FRMD5: variants seen among roughly 807,000 people sequenced by gnomAD.
FRMD5 encodes FERM domain-containing protein 5.
FRMD5 carries 20 observed loss-of-function variants against 69.0 expected under a neutral mutation model. That is an observed-to-expected ratio of 0.29 (90% confidence interval 0.20 to 0.42). The LOEUF (loss-of-function observed/expected upper bound fraction) is 0.42. Among genes scored for constraint, FRMD5 ranks in the 10% least tolerant of loss-of-function variants. The probability of loss-of-function intolerance (pLI) is 1.00; values close to 1 mark genes in which losing one functional copy is unlikely to be tolerated. For missense variants in FRMD5, 595 were observed against 708.6 expected (o/e 0.84, Z 1.82); for synonymous variants, 271 against 260.1 (o/e 1.04, Z -0.40).
intron 1 of FRMD5, among the ~76,000 whole-genome samples, chr15:44,082,329 A>T (rs1291356471): frequency 6.6e-6 from 1 of 151,998 alleles, no homozygotes; most frequent in Non-Finnish European, 1.5e-5. Context: ...TGTATTCTCA[A>T]ATGACTTTTC....
intron 1 of FRMD5, among the ~76,000 whole-genome samples, chr15:44,144,120 C>T (rs1276195172): frequency 2.0e-5 from 3 of 152,100 alleles, no homozygotes; most frequent in Admixed American, 6.5e-5. Context: ...ATTTTATCTG[C>T]TCCATCTGCC....
chr15:44,105,806 T>C (rs1164876089), intron 1 of FRMD5, among the ~76,000 whole-genome samples: 1 of 152,216 alleles, frequency 6.6e-6, no homozygotes, highest in East Asian at 1.9e-4. Context: ...CCATTAGAAC[T>C]AAATGGATGG....
intron 1 of FRMD5, among the ~76,000 whole-genome samples, chr15:43,985,145 G>C (rs1481649004): frequency 6.6e-6 from 1 of 151,806 alleles, no homozygotes; most frequent in Non-Finnish European, 1.5e-5. Flanking sequence ...GCCTGGTGTG[G>C]TGGCAGGTGC....
intron 1 of FRMD5, among the ~76,000 whole-genome samples, chr15:43,966,102 G>A (rs962080762): frequency 2.0e-5 from 3 of 151,902 alleles, no homozygotes; most frequent in South Asian, 2.1e-4. Context: ...GGCTGGGTGC[G>A]GTGACTTACG....
chr15:43,878,819 T>G (rs2088437767), intron 13 of FRMD5, among the ~76,000 whole-genome samples: 2 of 151,974 alleles, frequency 1.3e-5, no homozygotes, highest in South Asian at 4.2e-4. Flanking sequence ...TGCTGTGACA[T>G]CAGAAGAGGA....
At chr15:43,938,271 T>C (rs2089799571) in intron 1 of FRMD5, among the ~76,000 whole-genome samples, 1 of 147,020 alleles carries the variant, frequency 6.8e-6, no homozygotes, top group African/African-American at 2.5e-5. Context: ...GTGCAAAGCA[T>C]TCTACAAACA....
At chr15:44,055,528 C>T (rs1892837055) in intron 1 of FRMD5, among the ~76,000 whole-genome samples, 1 of 152,138 alleles carries the variant, frequency 6.6e-6, no homozygotes, top group Non-Finnish European at 1.5e-5. Context: ...ACTATACACA[C>T]TACAAGCTTT....
At chr15:43,895,337 C>A (rs1437320743) in intron 7 of FRMD5, among the ~76,000 whole-genome samples, 1 of 152,236 alleles carries the variant, frequency 6.6e-6, no homozygotes, top group African/African-American at 2.4e-5. Context: ...GAGGCCATGA[C>A]ACAGTCAGAG....
chr15:44,199,405 C>T (rs1002888856), upstream of FRMD5, among the ~76,000 whole-genome samples: 12 of 152,176 alleles, frequency 7.9e-5, no homozygotes, highest in Admixed American at 6.6e-4. Flanking sequence ...CCCCTGACTA[C>T]GTCTTAGGCA....
intron 1 of FRMD5, among the ~76,000 whole-genome samples, chr15:44,118,384 G>C (rs956993922): frequency 6.6e-6 from 1 of 151,906 alleles, no homozygotes; most frequent in African/African-American, 2.4e-5. Context: ...GTCTTTCTGG[G>C]GCTCTAAAAA....
chr15:44,132,722 C>T (rs1265516786), intron 1 of FRMD5, among the ~76,000 whole-genome samples: 3 of 150,204 alleles, frequency 2.0e-5, no homozygotes, highest in African/African-American at 7.3e-5. Flanking sequence ...AACCATCATG[C>T]CTGGACATCA....
intron 1 of FRMD5, among the ~76,000 whole-genome samples, chr15:44,078,191 T>G (rs1433229414): frequency 6.6e-6 from 1 of 152,150 alleles, no homozygotes; most frequent in Admixed American, 6.5e-5. Flanking sequence ...TGTGGTTTCC[T>G]TCTTTTTCTC....
At chr15:44,148,276 C>CTT (rs923546326) in intron 1 of FRMD5, among the ~76,000 whole-genome samples, 3 of 146,628 alleles carry the variant, frequency 2.0e-5, no homozygotes, top group African/African-American at 7.5e-5. Context: ...ACAGATATTA[C>CTT]TTTTTTTTTT....
At chr15:43,969,485 C>G (rs2090343690) in intron 1 of FRMD5, among the ~76,000 whole-genome samples, 1 of 152,188 alleles carries the variant, frequency 6.6e-6, no homozygotes, top group Non-Finnish European at 1.5e-5. Flanking sequence ...CTACCATGCC[C>G]AGTTCTATGT....
chr15:43,929,601 G>A (rs189999258), intron 1 of FRMD5, among the ~76,000 whole-genome samples: 1 of 152,222 alleles, frequency 6.6e-6, no homozygotes, highest in East Asian at 1.9e-4. Context: ...AGAAGGCAGA[G>A]GTAAAATGGA....
At chr15:44,180,776 C>T (rs954926431) in intron 1 of FRMD5, among the ~76,000 whole-genome samples, 3 of 152,086 alleles carry the variant, frequency 2.0e-5, no homozygotes, top group African/African-American at 4.8e-5. Flanking sequence ...CAGAGTGAGA[C>T]TCCATCTCAA....
Position 44,013,588 on chromosome 15 carries a change from C to T in FRMD5, c.103-89279G>A, listed in dbSNP as rs904490025. Among the ~76,000 whole-genome samples, 12 of 152,186 alleles carry T rather than the reference C, an allele frequency of 7.9e-5. No individual in the cohort carries two copies. The East Asian group carries it at 1.3e-3, about 17-fold the overall frequency. ...GGCCTATACTATTCTGAAAGTAATA[C>T]AAACTATTAATATAAAAATGTTTCC... On this transcript the variant is annotated intron_variant, in intron 1 of 13. Transcript: ENST00000417257.
chr15:43,915,861 T>C (rs1343711280), intron 4 of FRMD5, among the ~76,000 whole-genome samples: 1 of 152,142 alleles, frequency 6.6e-6, no homozygotes, highest in Non-Finnish European at 1.5e-5. Context: ...CTAAATTAGT[T>C]TGGCAGCAAG....
chr15:43,900,242 C>G (rs538354912), intron 7 of FRMD5, among the ~76,000 whole-genome samples: 1 of 152,296 alleles, frequency 6.6e-6, no homozygotes, highest in East Asian at 1.9e-4. Context: ...CCAGCTTATC[C>G]AAAGCTCTCT....
Sources: allele counts gnomAD v4.1 joint callset (sites outside exome capture counted in the v4.1 genomes callset), GRCh38; gene constraint gnomAD v4.1.1; transcripts MANE v1.5; gene names NCBI Gene and HGNC (gene_info 2026-07-23, HGNC 2026-07-21).